FUT8: variants seen among roughly 807,000 people sequenced by gnomAD.
The protein encoded by FUT8 is fucosyltransferase 8, also known as alpha-(1,6)-fucosyltransferase.
A neutral mutation model predicts 71.3 loss-of-function variants in FUT8; 29 were observed. That is an observed-to-expected ratio of 0.41 (90% CI 0.30 to 0.55). The LOEUF (loss-of-function observed/expected upper bound fraction) is 0.55. Ranked by LOEUF, FUT8 falls within the 20% of genes least tolerant of loss-of-function variation. FUT8 has a pLI of 0.34. For missense variants in FUT8, 544 were observed against 702.1 expected (o/e 0.77, Z 2.55); for synonymous variants, 254 against 239.3 (o/e 1.06, Z -0.57).
At chr14:65,708,364 T>C (rs1314807189) in intron 7 of FUT8, among the ~76,000 whole-genome samples, 2 of 152,222 alleles carry the variant, frequency 1.3e-5, no homozygotes, top group African/African-American at 4.8e-5. Context: ...CAATTAAACC[T>C]TTTTTCTTTA....
At chr14:65,512,313 G>A (rs1882401338) in intron 2 of FUT8, among the ~76,000 whole-genome samples, 1 of 152,052 alleles carries the variant, frequency 6.6e-6, no homozygotes. Context: ...TTACAGATGT[G>A]CACCACCATG....
At chr14:65,676,621 C>G (rs1892730370) in intron 7 of FUT8, among the ~76,000 whole-genome samples, 1 of 134,290 alleles carries the variant, frequency 7.4e-6, no homozygotes, top group Admixed American at 8.5e-5. Flanking sequence ...CTTCTTCCTT[C>G]CCTCCTTCCC....
At chr14:65,500,609 A>T (rs910083167) in intron 2 of FUT8, among the ~76,000 whole-genome samples, 1 of 152,170 alleles carries the variant, frequency 6.6e-6, no homozygotes, top group Non-Finnish European at 1.5e-5. Context: ...TTTTCGCTAG[A>T]CTAAAAGGTT....
chr14:65,372,604 A>G, the FUT8 span, among the ~76,000 whole-genome samples: 2 of 151,848 alleles, frequency 1.3e-5, no homozygotes, highest in East Asian at 3.9e-4. Context: ...TTTAGTAGAG[A>G]CGGGGTTTCA....
chr14:65,601,673 A>G (rs1259653138), intron 3 of FUT8, among the ~76,000 whole-genome samples: 1 of 152,182 alleles, frequency 6.6e-6, no homozygotes, highest in Non-Finnish European at 1.5e-5. Flanking sequence ...TCTTCTGAAT[A>G]AAAGACATGC....
chr14:65,541,759 C>T (rs780734943), intron 2 of FUT8, among the ~76,000 whole-genome samples: 3 of 152,128 alleles, frequency 2.0e-5, no homozygotes, highest in African/African-American at 4.8e-5. Context: ...AACCCAGTCA[C>T]GTTGACATAA....
At chr14:65,558,855 CAAAA>C (rs33947523) in intron 2 of FUT8, among the ~76,000 whole-genome samples, 1,590 of 151,820 alleles carry the variant, frequency 0.01, 29 homozygotes, top group African/African-American at 0.037. Context: ...ACATTCTCTC[CAAAA>C]ACATAGTTCA....
At chr14:65,519,811 C>T (rs1882962699) in intron 2 of FUT8, among the ~76,000 whole-genome samples, 1 of 151,886 alleles carries the variant, frequency 6.6e-6, no homozygotes, top group Non-Finnish European at 1.5e-5. Flanking sequence ...CAGGGTCTTC[C>T]TCTTTCACTG....
intron 3 of FUT8, among the ~76,000 whole-genome samples, chr14:65,611,670 C>CT (rs1235132246): frequency 6.6e-6 from 1 of 151,578 alleles, no homozygotes. Context: ...TTCTTTCTTT[C>CT]TTTTTTCTGA....
intron 7 of FUT8, among the ~76,000 whole-genome samples, chr14:65,713,877 G>A (rs772544784): frequency 2.0e-5 from 3 of 151,988 alleles, no homozygotes; most frequent in South Asian, 4.2e-4. Flanking sequence ...GACTTGAGTC[G>A]GTCCCATTTG....
At chr14:65,494,900 G>C (rs2066536472) in intron 2 of FUT8, among the ~76,000 whole-genome samples, 2 of 152,070 alleles carry the variant, frequency 1.3e-5, no homozygotes, top group Non-Finnish European at 2.9e-5. Flanking sequence ...TCTGCTGATT[G>C]AGGCTTTGTT....
intron 7 of FUT8, among the ~76,000 whole-genome samples, chr14:65,681,505 T>C (rs1893034875): frequency 6.6e-6 from 1 of 152,228 alleles, no homozygotes; most frequent in Non-Finnish European, 1.5e-5. Flanking sequence ...GTTAAAATTA[T>C]CCTAATATTA....
intron 2 of FUT8, among the ~76,000 whole-genome samples, chr14:65,533,193 C>T (rs948212751): frequency 5.9e-5 from 9 of 152,146 alleles, no homozygotes; most frequent in South Asian, 2.1e-4. Context: ...TGTAAAATGT[C>T]GTTCGTAGTT....
the FUT8 span, among the ~76,000 whole-genome samples, chr14:65,375,999 G>A: frequency 6.6e-6 from 1 of 151,634 alleles, no homozygotes; most frequent in African/African-American, 2.4e-5. Flanking sequence ...GCTGAGGCCG[G>A]AGAATCGCTT....
At chr14:65,435,794 C>CTT (rs58021056) in intron 1 of FUT8, among the ~76,000 whole-genome samples, 3 of 128,998 alleles carry the variant, frequency 2.3e-5, no homozygotes, top group South Asian at 2.3e-4. Flanking sequence ...CTTTTTCTTT[C>CTT]TTTTTTTTTT....
chr14:65,492,995 G>A (rs1594695590), intron 2 of FUT8, among the ~76,000 whole-genome samples: 1 of 151,926 alleles, frequency 6.6e-6, no homozygotes, highest in East Asian at 1.9e-4. Context: ...GCCATAAGGT[G>A]AAAGTTTAAA....
chr14:65,377,974 G>A, the FUT8 span, among the ~76,000 whole-genome samples: 1 of 152,192 alleles, frequency 6.6e-6, no homozygotes, highest in Admixed American at 6.5e-5. Flanking sequence ...CCAAAGGAGG[G>A]AGAAGGAAAA....
intron 3 of FUT8, among the ~76,000 whole-genome samples, chr14:65,615,444 C>CT (rs1889231066): frequency 6.6e-6 from 1 of 152,096 alleles, no homozygotes; most frequent in South Asian, 2.1e-4. Context: ...CTACTCTTGT[C>CT]TTTCTTTTTT....
At chr14:65,716,259 CGTT>C (rs1341180873) in intron 7 of FUT8, among the ~76,000 whole-genome samples, 1 of 152,066 alleles carries the variant, frequency 6.6e-6, no homozygotes, top group South Asian at 2.1e-4. Context: ...CTACCTCTCT[CGTT>C]AGCTGTAATA....
Sources: gnomAD v4.1 joint callset for allele counts (sites outside exome capture counted in the v4.1 genomes callset) on GRCh38, gnomAD v4.1.1 for gene constraint, MANE v1.5 for transcripts, NCBI Gene and HGNC (gene_info 2026-07-23, HGNC 2026-07-21) for gene names.